The following SPATS2L variants were observed in gnomAD, a reference collection of about 807,000 sequenced individuals.
SPATS2L encodes the protein SPATS2-like protein.
A neutral mutation model predicts 59.6 loss-of-function variants in SPATS2L; 30 were observed. The ratio of observed to expected loss-of-function variants is 0.50; its 90% confidence interval spans 0.38 to 0.68. The LOEUF (loss-of-function observed/expected upper bound fraction) is 0.68. Ranked by LOEUF, SPATS2L falls within the 30% of genes least tolerant of loss-of-function variation. The probability of loss-of-function intolerance (pLI) is 0.00; values close to 1 mark genes in which losing one functional copy is unlikely to be tolerated. For synonymous variants in SPATS2L, 252 were observed against 263.5 expected, an observed-to-expected ratio of 0.96 and a Z score of 0.42; for missense variants, 615 against 700.0, an observed-to-expected ratio of 0.88 and a Z score of 1.37.
At chr2:200,319,865 A>G (rs2079507356) in intron 1 of SPATS2L, among the ~76,000 whole-genome samples, 1 of 152,236 alleles carries the variant, frequency 6.6e-6, no homozygotes. Context: ...GACTTTACAT[A>G]CATTTATCCT....
At chr2:200,335,250 A>G (rs1181000491) in intron 2 of SPATS2L, among the ~76,000 whole-genome samples, 1 of 152,094 alleles carries the variant, frequency 6.6e-6, no homozygotes, top group Non-Finnish European at 1.5e-5. Flanking sequence ...TATTACTGAA[A>G]GAATCGGATA....
chr2:200,368,114 G>A (rs1437705987), intron 2 of SPATS2L, among the ~76,000 whole-genome samples: 2 of 152,176 alleles, frequency 1.3e-5, no homozygotes, highest in Non-Finnish European at 2.9e-5. Flanking sequence ...ATAGTTCAGT[G>A]GGTTGTTTCC....
At chr2:200,314,367 G>T (rs188141710) in intron 1 of SPATS2L, among the ~76,000 whole-genome samples, 1 of 152,040 alleles carries the variant, frequency 6.6e-6, no homozygotes, top group Non-Finnish European at 1.5e-5. Flanking sequence ...CATTACTGCC[G>T]TGGTTCGGGC....
intron 6 of SPATS2L, among the ~76,000 whole-genome samples, chr2:200,434,548 A>G (rs1448192733): frequency 1.3e-5 from 2 of 152,246 alleles, no homozygotes; most frequent in South Asian, 4.1e-4. Context: ...AGTTCAATAT[A>G]TTAAAAAGCA....
chr2:200,419,844 G>A (rs1464856484), intron 6 of SPATS2L, among the ~76,000 whole-genome samples: 1 of 151,686 alleles, frequency 6.6e-6, no homozygotes, highest in Non-Finnish European at 1.5e-5. Context: ...CCAAAGTGCT[G>A]GGATTACAGA....
intron 2 of SPATS2L, among the ~76,000 whole-genome samples, chr2:200,382,853 T>G (rs2081868812): frequency 2.6e-5 from 4 of 152,202 alleles, no homozygotes; most frequent in Admixed American, 2.6e-4. Flanking sequence ...TAATTATTAT[T>G]AATAATATAT....
intron 2 of SPATS2L, among the ~76,000 whole-genome samples, chr2:200,387,800 G>C (rs2082037879): frequency 6.6e-6 from 1 of 152,128 alleles, no homozygotes; most frequent in Admixed American, 6.6e-5. Flanking sequence ...GGCCTGACTG[G>C]CTGCTAATTT....
At chr2:200,311,408 G>A (rs1256093811) in intron 1 of SPATS2L, among the ~76,000 whole-genome samples, 2 of 152,166 alleles carry the variant, frequency 1.3e-5, no homozygotes, top group African/African-American at 2.4e-5. Context: ...GAATTAAGAA[G>A]CTTGTAGTTA....
In SPATS2L at chr2:200,334,185, G is replaced by A. The variant is rs1005370455; in HGVS notation, c.-23+4705G>A. On this transcript the variant is annotated intron_variant, in intron 2 of 12. Coordinates refer to ENST00000409140, the MANE Select transcript of SPATS2L (RefSeq NM_001100423.2). ...ACCTGTTGTTTCCTGACTTTTTAAT[G>A]ATCGCCATTCTAACTGGTGTGAGAT... Among the ~76,000 whole-genome samples the A allele has an allele frequency of 1.5e-3, 229 of 152,222 alleles. 1 individual carries two copies. The highest frequency in any genetic ancestry group is 1.3e-3 in the Non-Finnish European group (91 of 67,998).
intron 8 of SPATS2L, 49 bp downstream of exon 8, chr2:200,440,833 C>A: frequency 6.3e-7 from 1 of 1,582,224 alleles, no homozygotes; most frequent in Non-Finnish European, 8.6e-7. Context: ...TTGAGCTGTT[C>A]CAACAGGTAA....
In SPATS2L at chr2:200,306,767, G is replaced by A. The variant is rs2079026812; in HGVS notation, c.-228G>A. ...TCCGCTGCAAGCGCCGGCAGCGCGG[G>A]GCGAGCTCCGGACGGCGCGCGGCCC... On this transcript the variant is annotated 5_prime_UTR_variant, in exon 1 of 13. Coordinates refer to ENST00000409140, the MANE Select transcript of SPATS2L (RefSeq NM_001100423.2). 5.1e-6 allele frequency: 5 copies of A among 982,288 alleles called. No individual in the cohort carries two copies. The highest frequency in any genetic ancestry group is 4.8e-6 in the Non-Finnish European group (4 of 828,586). 60.8% of individuals were successfully genotyped at this position (982,288 alleles called of 1,614,324 possible).
Position 200,377,077 on chromosome 2 carries a change from A to G in SPATS2L, c.-22-12146A>G, listed in dbSNP as rs536938877. Among the ~76,000 whole-genome samples the G allele has an allele frequency of 2.6e-5, 4 of 152,340 alleles. No homozygotes were observed. The East Asian group carries it at 7.7e-4, about 29-fold the overall frequency. ...ATTTATATTCTTTTATAGCACTTTTATAGCACTTGCTGTGTGCCAGGCACT... is the reference window on the plus strand; with the variant it reads ...ATTTATATTCTTTTATAGCACTTTTGTAGCACTTGCTGTGTGCCAGGCACT... On this transcript the variant is annotated intron_variant, in intron 2 of 12. Coordinates refer to ENST00000409140, the MANE Select transcript of SPATS2L (RefSeq NM_001100423.2).
At chr2:200,389,042 T>A (rs938381686) in intron 2 of SPATS2L, among the ~76,000 whole-genome samples, 181 bp from the exon 3 acceptor site, 1 of 152,238 alleles carries the variant, frequency 6.6e-6, no homozygotes, top group Non-Finnish European at 1.5e-5. Flanking sequence ...TTTCTAGAGT[T>A]ATTGTAACAT....
chr2:200,306,996 G>T, intron 1 of SPATS2L, 74 bp downstream of exon 1: 4 of 979,088 alleles, frequency 4.1e-6, no homozygotes, highest in African/African-American at 1.8e-5. Flanking sequence ...GGGCCTGCGC[G>T]GCCGGGACGG....
intron 8 of SPATS2L, among the ~76,000 whole-genome samples, chr2:200,445,662 T>G (rs892592447): frequency 6.6e-6 from 1 of 152,252 alleles, no homozygotes; most frequent in Non-Finnish European, 1.5e-5. Context: ...CAGATAATTT[T>G]AAATTGTTGA....
intron 3 of SPATS2L, 86 bp from the exon 4 acceptor site, chr2:200,412,225 T>A (rs1307698590): frequency 1.3e-6 from 1 of 776,994 alleles, no homozygotes; most frequent in East Asian, 3.0e-5. Context: ...TTCTAATAGT[T>A]GTAATTCTAT....
intron 8 of SPATS2L, among the ~76,000 whole-genome samples, chr2:200,451,405 A>G (rs533763523): frequency 9.2e-5 from 14 of 152,338 alleles, no homozygotes; most frequent in African/African-American, 3.1e-4. Flanking sequence ...CTCTCAAATC[A>G]GAAAGTTCAT....
intron 1 of SPATS2L, among the ~76,000 whole-genome samples, chr2:200,319,050 C>G (rs1279156967): frequency 6.6e-6 from 1 of 152,180 alleles, no homozygotes; most frequent in Non-Finnish European, 1.5e-5. Context: ...AAACCTGCCT[C>G]CCTGCAGCTT....
rs144603250 is a variant in SPATS2L, at chr2:200,318,054, C to T, written c.-73+11132C>T. ...TGTTCTCAGTGTGGGCTGACTTTCA[C>T]GTATTGTAGTGATTACCAGTACATA... On this transcript the variant is annotated intron_variant, in intron 1 of 12. Transcript: ENST00000409140. Among the ~76,000 whole-genome samples the T allele has an allele frequency of 1.4e-3, 211 of 152,264 alleles. 4 individuals carry two copies. In the South Asian group the frequency reaches 0.043, roughly 31 times the overall value.
Sources: gnomAD v4.1 joint callset for allele counts (sites outside exome capture counted in the v4.1 genomes callset) on GRCh38, gnomAD v4.1.1 for gene constraint, MANE v1.5 for transcripts, NCBI Gene and HGNC (gene_info 2026-07-23, HGNC 2026-07-21) for gene names.